CSMD1: variants seen among roughly 807,000 people sequenced by gnomAD.
The protein encoded by CSMD1 is CUB and Sushi multiple domains 1, also known as CUB and sushi domain-containing protein 1.
A neutral mutation model predicts 417.5 loss-of-function variants in CSMD1; 213 were observed. The ratio of observed to expected loss-of-function variants is 0.51; its 90% CI spans 0.46 to 0.57. The LOEUF is 0.57. Ranked by LOEUF, CSMD1 falls within the 20% of genes least tolerant of loss-of-function variation. The pLI, the probability that CSMD1 is intolerant of heterozygous loss-of-function variation, is 0.00. For synonymous variants in CSMD1, 2,862 were observed against 1,736.8 expected (o/e 1.65, Z -16.11); for missense variants, 6,923 against 4,529.7 (o/e 1.53, Z -15.17).
At chr8:4,972,996 T>C (rs1047375673) in intron 1 of CSMD1, among the ~76,000 whole-genome samples, 13 of 152,188 alleles carry the variant, frequency 8.5e-5, no homozygotes, top group African/African-American at 2.4e-4. Flanking sequence ...CTGTGTGATT[T>C]GATCCCATCG....
chr8:3,732,434 G>A (rs1796320693), intron 6 of CSMD1, among the ~76,000 whole-genome samples: 4 of 152,094 alleles, frequency 2.6e-5, no homozygotes, highest in African/African-American at 7.2e-5. Flanking sequence ...AAGTCATACT[G>A]GAAGGACTCA....
chr8:3,416,054 C>A (rs1323846224), intron 12 of CSMD1, among the ~76,000 whole-genome samples: 1 of 152,070 alleles, frequency 6.6e-6, no homozygotes, highest in African/African-American at 2.4e-5. Context: ...GTAATCCTAG[C>A]ACTTTGGGAG....
rs1476544971 is a variant in CSMD1 at position 4,371,744 on chromosome 8, C to A, written c.415+48209G>T. On this transcript the variant is annotated intron_variant, in intron 3 of 69. Coordinates refer to ENST00000635120, the MANE Select transcript of CSMD1 (RefSeq NM_033225.6). ...TATGTTTTTATGTATTTTTCAAACGCCTAAGGTCTTTACGGTTACATAATA... is the reference window on the plus strand; with the variant it reads ...TATGTTTTTATGTATTTTTCAAACGACTAAGGTCTTTACGGTTACATAATA... Among the ~76,000 whole-genome samples the A allele has an allele frequency of 2.6e-5, 4 of 152,212 alleles. No individual in the cohort carries two copies. The East Asian group carries it at 7.7e-4, about 29-fold the overall frequency.
chr8:4,028,114 T>C (rs1258715511), intron 4 of CSMD1, among the ~76,000 whole-genome samples: 2 of 152,030 alleles, frequency 1.3e-5, no homozygotes, highest in African/African-American at 4.8e-5. Flanking sequence ...AAAATGGACA[T>C]AATAAACTTC....
At chr8:3,600,145 G>T (rs573339597) in intron 8 of CSMD1, among the ~76,000 whole-genome samples, 1 of 152,170 alleles carries the variant, frequency 6.6e-6, no homozygotes, top group African/African-American at 2.4e-5. Flanking sequence ...ACACATAACT[G>T]CAGGTGGCAT....
chr8:3,076,040 G>C (rs1813655351), intron 49 of CSMD1, among the ~76,000 whole-genome samples: 1 of 147,412 alleles, frequency 6.8e-6, no homozygotes, highest in Non-Finnish European at 1.5e-5. Flanking sequence ...GACAGAGCGA[G>C]ACTCCGTCTC....
At chr8:3,927,681 A>C (rs1018246215) in intron 5 of CSMD1, among the ~76,000 whole-genome samples, 32 of 152,136 alleles carry the variant, frequency 2.1e-4, no homozygotes. Flanking sequence ...CTCAAAATAG[A>C]AAAGAAAAGA....
chr8:4,035,780 A>C (rs1321573994), intron 3 of CSMD1, among the ~76,000 whole-genome samples: 2 of 152,220 alleles, frequency 1.3e-5, no homozygotes, highest in Non-Finnish European at 1.5e-5. Context: ...TACTAAGCTT[A>C]ATTTATGATT....
intron 3 of CSMD1, among the ~76,000 whole-genome samples, chr8:4,080,915 G>A (rs956989889): frequency 2.0e-5 from 3 of 152,130 alleles, no homozygotes; most frequent in African/African-American, 7.2e-5. Context: ...AAGAGGCAGG[G>A]CCTTTGTGAG....
chr8:3,685,486 C>T, intron 7 of CSMD1, among the ~76,000 whole-genome samples: 1 of 152,110 alleles, frequency 6.6e-6, no homozygotes, highest in East Asian at 1.9e-4. Flanking sequence ...GAGATGGGAG[C>T]TCAGACTCAA....
intron 2 of CSMD1, among the ~76,000 whole-genome samples, chr8:4,424,334 G>C (rs1485262602): frequency 6.6e-6 from 1 of 151,754 alleles, no homozygotes; most frequent in African/African-American, 2.4e-5. Flanking sequence ...GAACTCTCCA[G>C]ACTCAACAAC....
At position 4,308,109 on chromosome 8, in the gene CSMD1, G is replaced by A. The variant is rs183894283; in HGVS notation, c.415+111844C>T. Reference sequence around the variant, plus strand: ...TCGAACAGTGGCAGAAGTGGAGAGGGTGGCAAAGCAGGAAGATGTGTTTTA... The same window carrying A: ...TCGAACAGTGGCAGAAGTGGAGAGGATGGCAAAGCAGGAAGATGTGTTTTA... On this transcript the variant is annotated intron_variant, in intron 3 of 69. Transcript: ENST00000635120. Among the ~76,000 whole-genome samples the A allele has an allele frequency of 1.4e-3, 214 of 152,294 alleles. 1 individual carries two copies. The highest frequency in any genetic ancestry group is 4.9e-3 in the African/African-American group (205 of 41,560).
At chr8:3,383,707 T>C (rs1407732654) in intron 18 of CSMD1, among the ~76,000 whole-genome samples, 1 of 151,806 alleles carries the variant, frequency 6.6e-6, no homozygotes, top group African/African-American at 2.4e-5. Flanking sequence ...ACAACACCTA[T>C]AATTCAGTAA....
intron 5 of CSMD1, among the ~76,000 whole-genome samples, chr8:3,884,548 G>C (rs2948658): frequency 0.21 from 31,822 of 152,062 alleles, 3,725 homozygotes; most frequent in African/African-American, 0.31. Flanking sequence ...TCAGGACTCT[G>C]ATATACCTGG....
At chr8:3,307,600 TTAACCATGGA>T in intron 25 of CSMD1, 85 bp downstream of exon 25, 12 of 1,367,904 alleles carry the variant, frequency 8.8e-6, no homozygotes, top group Non-Finnish European at 1.1e-5. Context: ...TTCAGAAACT[TTAACCATGGA>T]TATTTGGTGT....
intron 1 of CSMD1, among the ~76,000 whole-genome samples, chr8:4,971,276 T>A (rs529220946): frequency 6.6e-6 from 1 of 152,074 alleles, no homozygotes; most frequent in South Asian, 2.1e-4. Flanking sequence ...CTCTTATAAA[T>A]GCTCTCAACA....
At chr8:3,910,010 A>G (rs560274225) in intron 5 of CSMD1, among the ~76,000 whole-genome samples, 1 of 152,198 alleles carries the variant, frequency 6.6e-6, no homozygotes, top group Non-Finnish European at 1.5e-5. Context: ...TTATTTATAA[A>G]TAAAGGTAAA....
intron 1 of CSMD1, among the ~76,000 whole-genome samples, chr8:4,751,049 C>T (rs1215775537): frequency 6.6e-6 from 1 of 152,140 alleles, no homozygotes. Flanking sequence ...TCAGGAGGTT[C>T]CTCACACCAG....
chr8:4,942,964 C>T (rs145460005), intron 1 of CSMD1, among the ~76,000 whole-genome samples: 1 of 152,112 alleles, frequency 6.6e-6, no homozygotes, highest in Non-Finnish European at 1.5e-5. Context: ...ATTGAGATAG[C>T]TTAAGGCAGC....
Sources: allele counts gnomAD v4.1 joint callset (sites outside exome capture counted in the v4.1 genomes callset), GRCh38; gene constraint gnomAD v4.1.1; transcripts MANE v1.5; gene names NCBI Gene and HGNC (gene_info 2026-07-23, HGNC 2026-07-21).